SLC12A7: variants seen among roughly 807,000 people sequenced by gnomAD.
The protein encoded by SLC12A7 is solute carrier family 12 member 7, also known as K-Cl cotransporter 4.
SLC12A7 carries 100 observed loss-of-function variants against 120.6 expected under a neutral mutation model. The ratio of observed to expected loss-of-function variants is 0.83; its 90% CI spans 0.71 to 0.98. The LOEUF (loss-of-function observed/expected upper bound fraction) is 0.98, where lower values mean the gene tolerates loss of function less well. Ranked by LOEUF, SLC12A7 falls within the 50% of genes least tolerant of loss-of-function variation. SLC12A7 has a pLI of 0.00. For synonymous variants in SLC12A7, 760 were observed against 678.0 expected (o/e 1.12, Z -1.88); for missense variants, 1,373 against 1,548.1 (o/e 0.89, Z 1.90).
intron 1 of SLC12A7, among the ~76,000 whole-genome samples, chr5:1,106,776 C>T (rs563283797): frequency 1.5e-4 from 23 of 152,356 alleles, no homozygotes; most frequent in South Asian, 4.1e-4. Context: ...AACCGGGTCA[C>T]GCAAGCTGCC....
At position 1,093,538 on chromosome 5, in the gene SLC12A7, C is replaced by T. The variant is rs1228951657; in HGVS notation, c.337G>A (p.Ala113Thr). ...EEDEESRRRE[A>T]KAPRMGTFIG... ...CACGGGCAGGGTGGCAGTACCTTGG[C>T]CTCCCGCCGCCGGCTCTCCTCGTCC... Residue 113 changes from alanine to threonine, a missense_variant, in exon 3 of 24, where the codon GCC (alanine) becomes ACC (threonine). Coordinates refer to ENST00000264930, the MANE Select transcript of SLC12A7 (RefSeq NM_006598.3). The T allele has an allele frequency of 1.9e-6, 3 of 1,587,642 alleles. No individual in the cohort carries two copies. Among genetic ancestry groups the T allele is most frequent in the Non-Finnish European group, 2.6e-6 (3 of 1,168,498 alleles).
At chr5:1,089,871 T>TAGA (rs112165490) in intron 3 of SLC12A7, among the ~76,000 whole-genome samples, 4,935 of 152,002 alleles carry the variant, frequency 0.032, 235 homozygotes, top group African/African-American at 0.11. Context: ...CAGGCTGGGG[T>TAGA]AGAAGTTTCA....
intron 19 of SLC12A7, 53 bp from the exon 20 acceptor site, chr5:1,064,028 C>T (rs536477577): frequency 3.0e-5 from 48 of 1,602,980 alleles, no homozygotes; most frequent in African/African-American, 2.4e-4. Flanking sequence ...CGTCCCGGCC[C>T]GCAGCACGTG....
intron 6 of SLC12A7, among the ~76,000 whole-genome samples, chr5:1,086,245 G>A (rs1356659293): frequency 1.3e-5 from 2 of 152,188 alleles, no homozygotes; most frequent in Non-Finnish European, 2.9e-5. Context: ...ACCAGGTCTG[G>A]CAGCAGAGGG....
chr5:1,092,951 C>T (rs758421023), intron 3 of SLC12A7, among the ~76,000 whole-genome samples: 44 of 152,146 alleles, frequency 2.9e-4, no homozygotes, highest in Non-Finnish European at 4.6e-4. Context: ...CTGTACAGGA[C>T]GGCAGAACCC....
upstream of SLC12A7, among the ~76,000 whole-genome samples, chr5:1,114,815 C>T (rs917503882): frequency 2.0e-5 from 3 of 152,248 alleles, no homozygotes; most frequent in African/African-American, 4.8e-5. Flanking sequence ...CGTCCGCAGT[C>T]GTTGGTGCTT....
At chr5:1,104,119 C>T (rs1180371392) in intron 1 of SLC12A7, among the ~76,000 whole-genome samples, 1 of 152,190 alleles carries the variant, frequency 6.6e-6, no homozygotes, top group Non-Finnish European at 1.5e-5. Context: ...GCCTGGCGCA[C>T]TTCCCTCCTC....
chr5:1,080,715 C>T (rs964597466), intron 9 of SLC12A7, among the ~76,000 whole-genome samples: 1 of 152,190 alleles, frequency 6.6e-6, no homozygotes, highest in Admixed American at 6.5e-5. Context: ...AAGGGCCCCA[C>T]CCACCGCCGG....
chr5:1,130,151 G>T, the SLC12A7 span, among the ~76,000 whole-genome samples: 1 of 152,270 alleles, frequency 6.6e-6, no homozygotes, highest in African/African-American at 2.4e-5. Flanking sequence ...AGCTGTGGGG[G>T]CCCCTTTTCC....
intron 9 of SLC12A7, 46 bp from the exon 10 acceptor site, chr5:1,079,542 G>A (rs969064819): frequency 6.8e-7 from 1 of 1,473,276 alleles, no homozygotes; most frequent in Non-Finnish European, 9.5e-7. Flanking sequence ...AGGAGTCAGT[G>A]CCATGTGATG....
At chr5:1,073,211 T>TA (rs1402925704) in intron 17 of SLC12A7, among the ~76,000 whole-genome samples, 1 of 7,594 alleles carries the variant, frequency 1.3e-4, no homozygotes, top group Non-Finnish European at 2.1e-4. Context: ...GCATCACACT[T>TA]ATGCAGCCCC....
rs773420736 is a variant in SLC12A7, at chr5:1,063,930, C to T, written c.2653G>A (p.Asp885Asn). ...RMRIFTVAQVDDNSIQMKKDL... is the reference protein window; with the variant it reads ...RMRIFTVAQVNDNSIQMKKDL... The stretch of plus-strand genomic sequence containing the variant: ...TTCTTCATCTGGATGCTGTTGTCGT[C>T]CACCTGGGCCACGGTGAAGATACGC... The change falls in exon 20 of 24, where the codon GAC becomes AAC. Residue 885 changes from aspartate to asparagine, a missense_variant. Transcript: ENST00000264930. 4 of 1,612,654 alleles carry T rather than the reference C, an allele frequency of 2.5e-6. No homozygotes were observed. The Admixed American group carries it at 5.0e-5, about 20-fold the overall frequency.
intron 23 of SLC12A7, among the ~76,000 whole-genome samples, 158 bp from the exon 24 acceptor site, chr5:1,052,609 C>T (rs912613522): frequency 1.5e-5 from 2 of 133,628 alleles, no homozygotes; most frequent in African/African-American, 2.5e-5. Flanking sequence ...GAGAGACCCC[C>T]CAGGCGGGGA....
At chr5:1,110,877 C>T (rs1032989183) in intron 1 of SLC12A7, among the ~76,000 whole-genome samples, 9 of 152,250 alleles carry the variant, frequency 5.9e-5, no homozygotes, top group Non-Finnish European at 8.8e-5. Context: ...CGGTGGGTCC[C>T]CACCCGTGTC....
chr5:1,091,319 T>C (rs1740472011), intron 3 of SLC12A7, among the ~76,000 whole-genome samples: 2 of 152,194 alleles, frequency 1.3e-5, no homozygotes, highest in Admixed American at 1.3e-4. Context: ...AGCTGGGGTG[T>C]GCTCTCTATG....
the SLC12A7 span, among the ~76,000 whole-genome samples, chr5:1,139,301 A>T: frequency 6.6e-6 from 1 of 152,256 alleles, no homozygotes; most frequent in Non-Finnish European, 1.5e-5. Context: ...GTGCGGCCCC[A>T]GTGCCTGCAC....
Position 1,093,577 on chromosome 5 carries a change from C to T in SLC12A7, c.298G>A (p.Val100Met), listed in dbSNP as rs745362530. 3.9e-5 allele frequency: 63 copies of T among 1,610,952 alleles called. 2 individuals are homozygous for T. The South Asian group carries it at 6.6e-4, about 17-fold the overall frequency. Reference sequence around the variant, plus strand: ...CTCTCCTCGTCCTCCTCGTGCTCCACCACGCCCTGGCTCAGGTTGGTGTAG... The same window carrying T: ...CTCTCCTCGTCCTCCTCGTGCTCCATCACGCCCTGGCTCAGGTTGGTGTAG... ...ANYTNLSQGV[V>M]EHEEDEESRR... Residue 100 changes from valine (V) to methionine (M), a missense_variant, in exon 3 of 24, where the codon GTG becomes ATG. Val to Met is a conservative substitution (Grantham distance 21). Transcript: ENST00000264930.
intron 21 of SLC12A7, among the ~76,000 whole-genome samples, chr5:1,059,865 A>C (rs1736004974): frequency 6.6e-6 from 1 of 150,410 alleles, no homozygotes; most frequent in African/African-American, 2.5e-5. Flanking sequence ...AAATCTGTGC[A>C]TGCTGCGGGG....
At chr5:1,135,378 A>G in the SLC12A7 span, among the ~76,000 whole-genome samples, 1 of 128,644 alleles carries the variant, frequency 7.8e-6, no homozygotes, top group Non-Finnish European at 1.6e-5. Flanking sequence ...CCTTGGACAA[A>G]TGCCTCAACA....
Sources: allele counts gnomAD v4.1 joint callset (sites outside exome capture counted in the v4.1 genomes callset), GRCh38; gene constraint gnomAD v4.1.1; transcripts MANE v1.5; gene names NCBI Gene and HGNC (gene_info 2026-07-23, HGNC 2026-07-21).